KIAA1217: variants seen among roughly 807,000 people sequenced by gnomAD.
The protein encoded by KIAA1217 is KIAA1217.
Under a neutral mutation model 163.9 loss-of-function variants are expected in KIAA1217, and 88 were observed. That is an observed-to-expected ratio of 0.54 (90% CI 0.45 to 0.64). KIAA1217 has a LOEUF of 0.64. KIAA1217 is among the 30% of genes least tolerant of loss of function. KIAA1217 has a pLI of 0.00. For missense variants in KIAA1217, 2,372 were observed against 2,475.0 expected, an observed-to-expected ratio of 0.96 and a Z score of 0.88; for synonymous variants, 903 against 923.1, an observed-to-expected ratio of 0.98 and a Z score of 0.39.
chr10:23,696,117 G>A (rs1251692809), intron 1 of KIAA1217, among the ~76,000 whole-genome samples: 1 of 152,200 alleles, frequency 6.6e-6, no homozygotes, highest in African/African-American at 2.4e-5. Context: ...TCGGGGGCAT[G>A]TTTAGCTCTT....
intron 2 of KIAA1217, among the ~76,000 whole-genome samples, chr10:24,317,872 A>G (rs1465998780): frequency 6.6e-6 from 1 of 152,232 alleles, no homozygotes; most frequent in Non-Finnish European, 1.5e-5. Flanking sequence ...TCAATTCAAA[A>G]GAAAAGATGT....
At chr10:23,753,883 GC>G (rs1833782078) in intron 1 of KIAA1217, among the ~76,000 whole-genome samples, 1 of 152,094 alleles carries the variant, frequency 6.6e-6, no homozygotes, top group African/African-American at 2.4e-5. Context: ...TTTCAACTTT[GC>G]CTTAAGATCT....
chr10:23,946,368 A>T (rs544195457), intron 1 of KIAA1217, among the ~76,000 whole-genome samples: 4 of 151,992 alleles, frequency 2.6e-5, no homozygotes, highest in Non-Finnish European at 5.9e-5. Context: ...TGTGTAGAAA[A>T]CAACCTGACT....
intron 2 of KIAA1217, among the ~76,000 whole-genome samples, chr10:24,011,796 G>C (rs576532798): frequency 8.5e-5 from 13 of 152,266 alleles, no homozygotes; most frequent in African/African-American, 2.4e-4. Flanking sequence ...TTGACAGTCA[G>C]CATGTTTTTA....
At chr10:24,382,809 C>G (rs1004377832) in intron 3 of KIAA1217, among the ~76,000 whole-genome samples, 5 of 143,886 alleles carry the variant, frequency 3.5e-5, no homozygotes, top group Admixed American at 1.4e-4. Flanking sequence ...CTGGGGCTTT[C>G]TGTGTGGATT....
At chr10:24,405,607 T>C (rs2057123654) in intron 3 of KIAA1217, among the ~76,000 whole-genome samples, 1 of 152,202 alleles carries the variant, frequency 6.6e-6, no homozygotes, top group African/African-American at 2.4e-5. Context: ...GGCAGAATGG[T>C]ATCTAAACCT....
intron 1 of KIAA1217, among the ~76,000 whole-genome samples, chr10:23,944,415 C>A (rs771858701): frequency 2.6e-5 from 4 of 151,652 alleles, no homozygotes; most frequent in Non-Finnish European, 2.9e-5. Flanking sequence ...AAGAGTGAGA[C>A]CCTGTCTCAA....
intron 2 of KIAA1217, among the ~76,000 whole-genome samples, chr10:24,271,903 C>G (rs888875525): frequency 1.3e-5 from 2 of 152,044 alleles, no homozygotes; most frequent in Non-Finnish European, 2.9e-5. Flanking sequence ...ATGACCTAGC[C>G]TTATACAAGA....
At chr10:24,194,827 C>G (rs1024203225) in intron 2 of KIAA1217, among the ~76,000 whole-genome samples, 6 of 139,044 alleles carry the variant, frequency 4.3e-5, no homozygotes, top group Admixed American at 2.3e-4. Flanking sequence ...GCTGGTCTCT[C>G]AAACTCCTGA....
chr10:23,965,310 C>G (rs1461165470), intron 1 of KIAA1217, among the ~76,000 whole-genome samples: 1 of 152,238 alleles, frequency 6.6e-6, no homozygotes, highest in African/African-American at 2.4e-5. Context: ...CCCAAGGGCT[C>G]ATAACCAACT....
intron 1 of KIAA1217, among the ~76,000 whole-genome samples, chr10:23,720,748 A>G (rs770429046): frequency 2.0e-5 from 3 of 152,198 alleles, no homozygotes; most frequent in African/African-American, 4.8e-5. Context: ...TCATGGAACT[A>G]CTGTAAGAAT....
At chr10:24,056,782 A>T (rs970642019) in intron 2 of KIAA1217, among the ~76,000 whole-genome samples, 3 of 152,204 alleles carry the variant, frequency 2.0e-5, no homozygotes, top group Non-Finnish European at 4.4e-5. Flanking sequence ...TAAACTCCCA[A>T]TATTAGAACT....
chr10:24,340,773 T>G (rs1408564402), intron 2 of KIAA1217, among the ~76,000 whole-genome samples: 1 of 152,212 alleles, frequency 6.6e-6, no homozygotes, highest in South Asian at 2.1e-4. Context: ...CTCATGTAAT[T>G]GACTGCCCCA....
chr10:24,531,907 C>A lies in KIAA1217; in HGVS notation c.3160C>A (p.Arg1054=), dbSNP rs781585796. ...SPPPPPPPPR[R]SYLPGSGLTT... The stretch of plus-strand genomic sequence containing the variant: ...CCCTCCTCCTCCGCCACCTCCTCGT[C>A]GAAGCTACCTGCCAGGATCGGGACT... The change falls in exon 15 of 21, where the codon CGA becomes AGA. Residue 1054 remains arginine (R), a synonymous_variant. Transcript: ENST00000376454. 6.2e-7 allele frequency: 1 copy of A among 1,610,428 alleles called. No individual in the cohort carries two copies. The highest frequency in any genetic ancestry group is 8.5e-7 in the Non-Finnish European group (1 of 1,177,868).
intron 1 of KIAA1217, among the ~76,000 whole-genome samples, chr10:23,912,220 G>A (rs1316574425): frequency 6.6e-6 from 1 of 152,100 alleles, no homozygotes; most frequent in Non-Finnish European, 1.5e-5. Context: ...TAGCCTTCTA[G>A]AGCTGTTGTC....
chr10:24,359,040 ACTTTCTTTCTTTCTTTTTTCTTTTCTTTT>A (rs1481615855), intron 2 of KIAA1217, among the ~76,000 whole-genome samples: 22 of 125,774 alleles, frequency 1.7e-4, no homozygotes, highest in African/African-American at 5.5e-4. Context: ...TCATTCTAAT[ACTTTCTTTCTTTCTTTTTTCTTTTCTTTT>A]CTTTCTTTCT....
At chr10:23,764,912 A>C (rs2130865410) in intron 1 of KIAA1217, among the ~76,000 whole-genome samples, 1 of 152,306 alleles carries the variant, frequency 6.6e-6, no homozygotes, top group Non-Finnish European at 1.5e-5. Flanking sequence ...CAAGTCACAT[A>C]ATATCAACAT....
intron 2 of KIAA1217, among the ~76,000 whole-genome samples, chr10:24,373,226 T>C (rs2051941981): frequency 6.6e-6 from 1 of 152,210 alleles, no homozygotes; most frequent in Non-Finnish European, 1.5e-5. Context: ...GGGTCACTTC[T>C]TGCAAATGGA....
At chr10:24,448,466 C>T (rs1405534833) in intron 5 of KIAA1217, among the ~76,000 whole-genome samples, 1 of 152,206 alleles carries the variant, frequency 6.6e-6, no homozygotes. Context: ...TGGCTCACTG[C>T]AGCCTCAGCC....
Sources: gnomAD v4.1 joint callset for allele counts (sites outside exome capture counted in the v4.1 genomes callset) on GRCh38, gnomAD v4.1.1 for gene constraint, MANE v1.5 for transcripts, NCBI Gene and HGNC (gene_info 2026-07-23, HGNC 2026-07-21) for gene names.